Variants in DSG2 observed in about 807,000 individuals in gnomAD.
The protein encoded by DSG2 is desmoglein-2.
In DSG2, 45 loss-of-function variants were observed where a neutral mutation model predicts 75.6. The ratio of observed to expected loss-of-function variants is 0.60; its 90% CI spans 0.47 to 0.76. The LOEUF is 0.76. Among genes scored for constraint, DSG2 ranks in the 30% least tolerant of loss-of-function variants. The pLI is 0.00. For synonymous variants in DSG2, 429 were observed against 483.9 expected, an observed-to-expected ratio of 0.89 and a Z score of 1.49; for missense variants, 1,267 against 1,357.4, an observed-to-expected ratio of 0.93 and a Z score of 1.05.
rs1046210348 is a variant in DSG2 at position 31,547,976 on chromosome 18, G to A, written c.*1233G>A. The A allele has an allele frequency of 5.3e-5, 8 of 152,038 alleles. No homozygotes were observed. Among genetic ancestry groups the A allele is most frequent in the African/African-American group, 1.7e-4 (7 of 41,368 alleles). 9.4% of individuals were successfully genotyped at this position (152,038 alleles called of 1,614,324 possible). On this transcript the variant is annotated 3_prime_UTR_variant, in exon 15 of 15. Transcript: ENST00000261590. ...TAACATGGGTGCCAAATAAATATTC[G>A]TAGAATTACACTGAATTGTAAAAAC...
At chr18:31,529,490 A>C (rs1244545942) in intron 8 of DSG2, among the ~76,000 whole-genome samples, 1 of 152,216 alleles carries the variant, frequency 6.6e-6, no homozygotes, top group Non-Finnish European at 1.5e-5. Context: ...ACAATCACAA[A>C]GGATGTATTT....
At position 31,547,164 on chromosome 18, in the gene DSG2, A is replaced by T; in HGVS notation, c.*421A>T. The stretch of plus-strand genomic sequence containing the variant: ...TAAACATTGATGTTCTGTATTCTGT[A>T]CTTTACTGCACCCAGCAGACTTTCA... On this transcript the variant is annotated 3_prime_UTR_variant, in exon 15 of 15. Transcript: ENST00000261590. 1 of 296,964 alleles carries T rather than the reference A, an allele frequency of 3.4e-6. No individual in the cohort carries two copies. Among genetic ancestry groups the T allele is most frequent in the South Asian group, 3.5e-5 (1 of 28,552 alleles). The allele number at this position is 296,964 out of a possible 1,614,324, so 18.4% of individuals were successfully genotyped here. A position where few individuals can be genotyped will look rare whatever the true frequency, so the allele number is the denominator to read the frequency against.
intron 12 of DSG2, among the ~76,000 whole-genome samples, chr18:31,540,840 AT>A (rs3214786): frequency 3.8e-4 from 58 of 151,770 alleles, no homozygotes; most frequent in African/African-American, 1.2e-3. Flanking sequence ...TGCAACAGTG[AT>A]TTTTTTTTAA....
chr18:31,515,163 C>T (rs1002706071), intron 1 of DSG2, among the ~76,000 whole-genome samples: 2 of 152,054 alleles, frequency 1.3e-5, no homozygotes, highest in African/African-American at 2.4e-5. Flanking sequence ...AGTGCAGTGG[C>T]GCGATCTCGG....
chr18:31,531,065 A>G lies in DSG2; in HGVS notation c.1093A>G (p.Arg365Gly). 1 of 1,614,178 alleles carries G rather than the reference A, an allele frequency of 6.2e-7. No homozygotes were observed. ...TAAAGCAGCTTTTCACAAGTCGATT[A>G]GGAGTAAATACAAGCCTACACCCAT... ...ANKAAFHKSI[R>G]SKYKPTPIPI... The change falls in exon 9 of 15, where the codon AGG (arginine) becomes GGG (glycine). Residue 365 changes from arginine to glycine, a missense_variant. Coordinates refer to ENST00000261590, the MANE Select transcript of DSG2 (RefSeq NM_001943.5).
At chr18:31,507,683 G>T (rs558383874) in intron 1 of DSG2, among the ~76,000 whole-genome samples, 1 of 152,188 alleles carries the variant, frequency 6.6e-6, no homozygotes, top group African/African-American at 2.4e-5. Flanking sequence ...GACCAGTGAT[G>T]ATGAGCTTTT....
chr18:31,532,296 C>T (rs2073203318), intron 9 of DSG2, among the ~76,000 whole-genome samples: 1 of 152,128 alleles, frequency 6.6e-6, no homozygotes, highest in Non-Finnish European at 1.5e-5. Context: ...CAAGGGAACT[C>T]ACTGGAGTCT....
At chr18:31,524,296 G>GT (rs2073147454) in intron 6 of DSG2, 152 bp from the exon 7 acceptor site, 1 of 1,110,230 alleles carries the variant, frequency 9.0e-7, no homozygotes, top group African/African-American at 1.6e-5. Flanking sequence ...CTGACTGCAA[G>GT]TAAATAGTAT....
At chr18:31,506,030 T>C (rs993282411) in intron 1 of DSG2, among the ~76,000 whole-genome samples, 3 of 152,232 alleles carry the variant, frequency 2.0e-5, no homozygotes, top group Non-Finnish European at 2.9e-5. Flanking sequence ...AACAGTCTTC[T>C]AAGGACATGT....
intron 8 of DSG2, among the ~76,000 whole-genome samples, chr18:31,526,580 A>G (rs2073164155): frequency 6.6e-6 from 1 of 152,206 alleles, no homozygotes; most frequent in African/African-American, 2.4e-5. Context: ...TTGTGTCATC[A>G]ATTTTTAAGC....
chr18:31,499,041 G>T (rs1398192585), intron 1 of DSG2, among the ~76,000 whole-genome samples: 2 of 152,154 alleles, frequency 1.3e-5, no homozygotes, highest in African/African-American at 2.4e-5. Flanking sequence ...TCAGTCCCTG[G>T]ATTTAGAGTT....
chr18:31,509,659 G>A (rs2073056625), intron 1 of DSG2, among the ~76,000 whole-genome samples: 1 of 152,154 alleles, frequency 6.6e-6, no homozygotes. Flanking sequence ...AAGTGCAGTA[G>A]GTGAATTCCA....
chr18:31,512,085 A>C (rs1180557528), intron 1 of DSG2, among the ~76,000 whole-genome samples: 1 of 152,192 alleles, frequency 6.6e-6, no homozygotes, highest in Non-Finnish European at 1.5e-5. Context: ...ATCTCCGGGC[A>C]TAACTTCTTT....
At chr18:31,529,368 T>G (rs1395925136) in intron 8 of DSG2, among the ~76,000 whole-genome samples, 1 of 152,212 alleles carries the variant, frequency 6.6e-6, no homozygotes, top group Non-Finnish European at 1.5e-5. Flanking sequence ...TGGATACTAA[T>G]GACATCTGGC....
rs539220032 is a variant in DSG2 at position 31,509,817 on chromosome 18, A to C, written c.46-8422A>C. On this transcript the variant is annotated intron_variant, in intron 1 of 14. Coordinates refer to ENST00000261590, the MANE Select transcript of DSG2 (RefSeq NM_001943.5). ...AGCCTTCTTTGTGGCTATGGACGCT[A>C]CTACAGACCAGACCACCAGCTCTGC... 7.2e-5 allele frequency among the ~76,000 whole-genome samples: 11 copies of C among 152,340 alleles called. No individual in the cohort carries two copies. The East Asian group carries it at 1.2e-3, about 16-fold the overall frequency.
intron 8 of DSG2, among the ~76,000 whole-genome samples, chr18:31,528,069 C>T: frequency 6.6e-6 from 1 of 152,098 alleles, no homozygotes; most frequent in East Asian, 1.9e-4. Context: ...TTGACAACAC[C>T]AATTATTGGC....
At chr18:31,516,839 A>G (rs887864406) in intron 1 of DSG2, among the ~76,000 whole-genome samples, 1 of 152,196 alleles carries the variant, frequency 6.6e-6, no homozygotes, top group African/African-American at 2.4e-5. Flanking sequence ...GTCACTGACA[A>G]CATCTTCAGA....
Position 31,523,849 on chromosome 18 carries a change from G to A in DSG2, c.691-599G>A, listed in dbSNP as rs527998404. 5.3e-5 allele frequency among the ~76,000 whole-genome samples: 8 copies of A among 152,332 alleles called. No individual in the cohort carries two copies. In the South Asian group the frequency reaches 1.7e-3, roughly 32 times the overall value. On this transcript the variant is annotated intron_variant, in intron 6 of 14. Transcript: ENST00000261590. ...CCAGGCAGATGGCTCCAGGGTCCTG[G>A]TGTCCTGCTGTGCACTGAGTGGTTC...
At chr18:31,498,444 G>A (rs2072996143) in intron 1 of DSG2, 148 bp downstream of exon 1, 1 of 923,436 alleles carries the variant, frequency 1.1e-6, no homozygotes, top group Non-Finnish European at 1.4e-6. Flanking sequence ...GAAAAGGGCC[G>A]GGCAGGCTGC....
Sources: allele counts gnomAD v4.1 joint callset (sites outside exome capture counted in the v4.1 genomes callset), GRCh38; gene constraint gnomAD v4.1.1; transcripts MANE v1.5; gene names NCBI Gene and HGNC (gene_info 2026-07-23, HGNC 2026-07-21).